The following SEC31A variants were observed in gnomAD, a reference collection of about 807,000 sequenced individuals.
The protein encoded by SEC31A is protein transport protein Sec31A.
Under a neutral mutation model 151.0 loss-of-function variants are expected in SEC31A, and 70 were observed. The ratio of observed to expected loss-of-function variants is 0.46; its 90% CI spans 0.38 to 0.57. SEC31A has a LOEUF of 0.57. Ranked by LOEUF, SEC31A falls within the 20% of genes least tolerant of loss-of-function variation. The pLI, the probability that SEC31A is intolerant of heterozygous loss-of-function variation, is 0.00. For synonymous variants in SEC31A, 475 were observed against 505.9 expected (o/e 0.94, Z 0.82); for missense variants, 1,330 against 1,471.2 (o/e 0.90, Z 1.57).
At chr4:82,868,693 CTTTTTCT>C (rs1395523356) in intron 8 of SEC31A, among the ~76,000 whole-genome samples, 1 of 151,836 alleles carries the variant, frequency 6.6e-6, no homozygotes, top group East Asian at 1.9e-4. Context: ...CTTCTTTTTC[CTTTTTCT>C]TTTTTTTATT....
intron 2 of SEC31A, among the ~76,000 whole-genome samples, chr4:82,881,443 C>T (rs1275772643): frequency 6.7e-6 from 1 of 149,722 alleles, no homozygotes; most frequent in African/African-American, 2.5e-5. Flanking sequence ...CCAGGCTGGG[C>T]GAAAGAGCAA....
chr4:82,854,364 CAAA>C (rs11349113), intron 17 of SEC31A, among the ~76,000 whole-genome samples: 50 of 130,224 alleles, frequency 3.8e-4, no homozygotes, highest in Middle Eastern at 7.8e-3. Flanking sequence ...ACTCCGTCTC[CAAA>C]AAAAAAAAAA....
At chr4:82,857,857 G>T in intron 14 of SEC31A, 93 bp from the exon 15 acceptor site, 1 of 751,116 alleles carries the variant, frequency 1.3e-6, no homozygotes, top group Non-Finnish European at 2.3e-6. Flanking sequence ...TTCATCTACA[G>T]AGTAGATGAC....
intron 24 of SEC31A, among the ~76,000 whole-genome samples, chr4:82,826,357 T>TTTGTTG (rs57791353): frequency 6.6e-6 from 1 of 151,974 alleles, no homozygotes; most frequent in Non-Finnish European, 1.5e-5. Flanking sequence ...ATTATCTCTT[T>TTTGTTG]TTGTTGTTGT....
intron 23 of SEC31A, among the ~76,000 whole-genome samples, chr4:82,828,409 T>C (rs1725111811): frequency 6.6e-6 from 1 of 152,152 alleles, no homozygotes; most frequent in Non-Finnish European, 1.5e-5. Context: ...GTTTCTTTCC[T>C]TATTTAATGC....
chr4:82,827,015 C>T (rs765385243), intron 24 of SEC31A, among the ~76,000 whole-genome samples: 4 of 152,304 alleles, frequency 2.6e-5, no homozygotes, highest in Non-Finnish European at 5.9e-5. Context: ...AAATATATAA[C>T]TCACTATATT....
intron 22 of SEC31A, among the ~76,000 whole-genome samples, chr4:82,832,112 CAAG>C (rs1435736413): frequency 1.3e-5 from 2 of 152,098 alleles, no homozygotes; most frequent in Admixed American, 6.6e-5. Context: ...CAATCCTGGG[CAAG>C]AAGAACAAAG....
intron 25 of SEC31A, among the ~76,000 whole-genome samples, chr4:82,821,889 T>TA (rs1473843937): frequency 6.6e-6 from 1 of 152,192 alleles, no homozygotes; most frequent in East Asian, 1.9e-4. Context: ...AAATACTACT[T>TA]AAACACTTAG....
chr4:82,885,328 T>TG (rs1740435476), intron 1 of SEC31A, among the ~76,000 whole-genome samples: 1 of 152,192 alleles, frequency 6.6e-6, no homozygotes, highest in East Asian at 1.9e-4. Flanking sequence ...GTAATAATTT[T>TG]TAAAAAGTCT....
Position 82,842,428 on chromosome 4 carries a change from G to A in SEC31A, c.2680C>T (p.Arg894Ter). Reference sequence around the variant, plus strand: ...GGAGGAGCAACAGGCTGCTGAGGTCGATACATTGCTGACCCCCCTGTTCCG... The same window carrying A: ...GGAGGAGCAACAGGCTGCTGAGGTCAATACATTGCTGACCCCCCTGTTCCG... ...PFGTGGSAMY[R>*]PQQPVAPPTS... Residue 894 changes from arginine (R) to a stop codon, truncating the protein, a stop_gained, in exon 22 of 27, where the codon CGA becomes TGA. Coordinates refer to ENST00000395310, the MANE Select transcript of SEC31A (RefSeq NM_001077207.4). LOFTEE classifies it high-confidence loss of function. 3 of 1,613,824 alleles carry A rather than the reference G, an allele frequency of 1.9e-6. No individual in the cohort carries two copies. Among genetic ancestry groups the A allele is most frequent in the Non-Finnish European group, 1.7e-6 (2 of 1,179,916 alleles).
At chr4:82,889,295 C>G (rs1741685963) in intron 1 of SEC31A, among the ~76,000 whole-genome samples, 1 of 152,016 alleles carries the variant, frequency 6.6e-6, no homozygotes. Context: ...AACTTGTAAA[C>G]TTCATAATAT....
intron 5 of SEC31A, among the ~76,000 whole-genome samples, 194 bp from the exon 6 acceptor site, chr4:82,874,945 T>C (rs1349142544): frequency 6.6e-6 from 1 of 152,372 alleles, no homozygotes; most frequent in East Asian, 1.9e-4. Context: ...TGCAGGTACA[T>C]ACCACTTCAA....
intron 26 of SEC31A, 72 bp from the exon 27 acceptor site, chr4:82,819,325 T>A: frequency 1.9e-6 from 2 of 1,059,734 alleles, no homozygotes; most frequent in Non-Finnish European, 2.6e-6. Flanking sequence ...CCATAAACAT[T>A]AAACCCAGAT....
chr4:82,865,522 T>TA (rs1200139443), intron 10 of SEC31A, among the ~76,000 whole-genome samples: 17 of 117,052 alleles, frequency 1.5e-4, no homozygotes, highest in African/African-American at 4.5e-4. Context: ...AATGAATGGA[T>TA]AAAAAAAAAT....
At chr4:82,822,165 C>T (rs1491000177) in intron 25 of SEC31A, among the ~76,000 whole-genome samples, 1 of 152,144 alleles carries the variant, frequency 6.6e-6, no homozygotes, top group Non-Finnish European at 1.5e-5. Context: ...TTATTGGCTG[C>T]TTACTATGTG....
chr4:82,835,572 G>A (rs556787128), intron 22 of SEC31A, among the ~76,000 whole-genome samples: 1 of 152,292 alleles, frequency 6.6e-6, no homozygotes, highest in South Asian at 2.1e-4. Context: ...GAGGTGGATG[G>A]ATCACCTGAG....
rs1178490217 is a variant in SEC31A, at chr4:82,848,772, T to C, written c.2502+32A>G. ...ACCAATTTGAAGAGAAATACAAAAG[T>C]GTTCCTACTTCATCTGGACCATATC... is the stretch of plus-strand genomic sequence containing the variant. On this transcript the variant is annotated intron_variant, in intron 20 of 26. Transcript: ENST00000395310. 3 of 1,562,410 alleles carry C rather than the reference T, an allele frequency of 1.9e-6. No homozygotes were observed. In the Admixed American group the frequency reaches 6.0e-5, roughly 31 times the overall value.
intron 17 of SEC31A, 114 bp downstream of exon 17, chr4:82,854,787 CTT>C (rs1339555208): frequency 5.7e-6 from 6 of 1,047,920 alleles, no homozygotes; most frequent in Non-Finnish European, 2.6e-6. Flanking sequence ...GAGAATTTTT[CTT>C]TTTTGTGATT....
At chr4:82,871,559 T>C (rs919102260) in intron 7 of SEC31A, 7 of 668,818 alleles carry the variant, frequency 1.0e-5, no homozygotes, top group Non-Finnish European at 1.8e-5. Context: ...GCAGATCACT[T>C]GAGGTCAGAA....
Sources: allele counts gnomAD v4.1 joint callset (sites outside exome capture counted in the v4.1 genomes callset), GRCh38; gene constraint gnomAD v4.1.1; transcripts MANE v1.5; gene names NCBI Gene and HGNC (gene_info 2026-07-23, HGNC 2026-07-21).